SNTG1: variants seen among roughly 807,000 people sequenced by gnomAD.
SNTG1 encodes the protein syntrophin gamma 1.
A neutral mutation model predicts 74.7 loss-of-function variants in SNTG1; 39 were observed. That is an observed-to-expected ratio of 0.52 (90% confidence interval 0.40 to 0.68). SNTG1 has a LOEUF of 0.68. Among genes scored for constraint, SNTG1 ranks in the 30% least tolerant of loss-of-function variants. The pLI, the probability that SNTG1 is intolerant of heterozygous loss-of-function variation, is 0.00. For synonymous variants in SNTG1, 254 were observed against 217.1 expected (o/e 1.17, Z -1.49); for missense variants, 685 against 609.5 (o/e 1.12, Z -1.30).
chr8:49,963,134 T>C (rs1358997568), intron 1 of SNTG1, among the ~76,000 whole-genome samples: 3 of 152,234 alleles, frequency 2.0e-5, no homozygotes, highest in Non-Finnish European at 4.4e-5. Flanking sequence ...GATGCATGAA[T>C]AAAGTATAAG....
chr8:50,107,854 A>C (rs2080439778), intron 1 of SNTG1, among the ~76,000 whole-genome samples: 1 of 152,208 alleles, frequency 6.6e-6, no homozygotes, highest in Non-Finnish European at 1.5e-5. Context: ...CCTGGCTAGA[A>C]ATCAAGATTT....
chr8:49,970,784 T>C (rs559266232), intron 1 of SNTG1, among the ~76,000 whole-genome samples: 3 of 152,002 alleles, frequency 2.0e-5, no homozygotes, highest in African/African-American at 7.3e-5. Context: ...CCTTGAAGAG[T>C]TGGCAGCTCT....
chr8:50,558,372 C>T (rs1483640), intron 12 of SNTG1, among the ~76,000 whole-genome samples: 92,149 of 152,004 alleles, frequency 0.61, 30,677 homozygotes, highest in East Asian at 0.78. Context: ...AAGACATGCT[C>T]TCTCAGAGTT....
At chr8:50,388,074 G>A (rs529089413) in intron 2 of SNTG1, among the ~76,000 whole-genome samples, 1 of 152,316 alleles carries the variant, frequency 6.6e-6, no homozygotes, top group South Asian at 2.1e-4. Flanking sequence ...CTAGCAGGAT[G>A]AGACTCTGGG....
At chr8:50,357,494 G>A (rs2091852198) in intron 2 of SNTG1, among the ~76,000 whole-genome samples, 1 of 152,132 alleles carries the variant, frequency 6.6e-6, no homozygotes, top group Non-Finnish European at 1.5e-5. Context: ...CAATACAAGT[G>A]TCCTTGGCAT....
intron 8 of SNTG1, among the ~76,000 whole-genome samples, chr8:50,472,268 G>A (rs1208516215): frequency 1.3e-5 from 2 of 152,050 alleles, no homozygotes; most frequent in Admixed American, 6.6e-5. Flanking sequence ...AAAATCAGAG[G>A]CATTACACTT....
intron 17 of SNTG1, among the ~76,000 whole-genome samples, chr8:50,738,579 G>A (rs545311356): frequency 1.9e-4 from 29 of 151,894 alleles, no homozygotes; most frequent in Non-Finnish European, 5.9e-5. Context: ...ATATGAAACT[G>A]AAAAAGAGCC....
intron 18 of SNTG1, among the ~76,000 whole-genome samples, chr8:50,764,425 A>G (rs2095608330): frequency 1.3e-5 from 2 of 151,986 alleles, no homozygotes; most frequent in African/African-American, 4.8e-5. Flanking sequence ...TTCAAAGTAC[A>G]AAACAAATAA....
intron 10 of SNTG1, among the ~76,000 whole-genome samples, chr8:50,532,196 T>C (rs2094274209): frequency 6.6e-6 from 1 of 152,062 alleles, no homozygotes; most frequent in African/African-American, 2.4e-5. Context: ...TGTAAGGAAA[T>C]TGAAAGTATC....
chr8:49,978,342 A>C (rs959428842), intron 1 of SNTG1, among the ~76,000 whole-genome samples: 24 of 152,292 alleles, frequency 1.6e-4, no homozygotes, highest in Admixed American at 3.9e-4. Context: ...TGAGTTAGTC[A>C]GGAGCTAATT....
chr8:50,224,584 T>C (rs138464790), intron 2 of SNTG1, among the ~76,000 whole-genome samples: 1 of 152,242 alleles, frequency 6.6e-6, no homozygotes, highest in African/African-American at 2.4e-5. Flanking sequence ...AAACCAAAAG[T>C]AAAATTCTAA....
chr8:50,018,428 C>T (rs1816530563), intron 1 of SNTG1, among the ~76,000 whole-genome samples: 1 of 151,926 alleles, frequency 6.6e-6, no homozygotes, highest in Admixed American at 6.6e-5. Flanking sequence ...GTTCCTGGGA[C>T]AACTGGATAT....
intron 1 of SNTG1, among the ~76,000 whole-genome samples, chr8:50,054,354 C>T (rs963853642): frequency 1.3e-5 from 2 of 152,080 alleles, no homozygotes; most frequent in African/African-American, 4.8e-5. Context: ...TCACCAAGTT[C>T]TATGTACTTT....
At chr8:50,560,401 A>G (rs2094480354) in intron 12 of SNTG1, among the ~76,000 whole-genome samples, 1 of 152,240 alleles carries the variant, frequency 6.6e-6, no homozygotes, top group Non-Finnish European at 1.5e-5. Flanking sequence ...TCATTCTATT[A>G]TAAAGACACA....
chr8:50,576,006 A>T (rs766112818), intron 12 of SNTG1, among the ~76,000 whole-genome samples: 6 of 152,154 alleles, frequency 3.9e-5, no homozygotes, highest in Non-Finnish European at 7.3e-5. Flanking sequence ...TTAAATTTGT[A>T]GATTAATGGC....
At chr8:50,238,985 A>G (rs183155865) in intron 2 of SNTG1, among the ~76,000 whole-genome samples, 132 of 152,262 alleles carry the variant, frequency 8.7e-4, no homozygotes, top group Non-Finnish European at 9.9e-4. Context: ...TAAAAAGTCA[A>G]AAAATAACAG....
chr8:50,084,522 C>T (rs923778697), intron 1 of SNTG1, among the ~76,000 whole-genome samples: 1 of 152,008 alleles, frequency 6.6e-6, no homozygotes, highest in African/African-American at 2.4e-5. Flanking sequence ...TTTAGATGAC[C>T]AAAATCTATA....
chr8:50,564,462 T>C (rs1257282751), intron 12 of SNTG1, among the ~76,000 whole-genome samples: 1 of 152,086 alleles, frequency 6.6e-6, no homozygotes, highest in Non-Finnish European at 1.5e-5. Context: ...AATTCAAAGT[T>C]TGAATAGTTA....
intron 11 of SNTG1, among the ~76,000 whole-genome samples, chr8:50,548,222 T>G (rs2094401475): frequency 6.6e-6 from 1 of 152,068 alleles, no homozygotes; most frequent in Non-Finnish European, 1.5e-5. Flanking sequence ...TGACTGGAGG[T>G]CACAGTGACA....
Sources: allele counts gnomAD v4.1 joint callset (sites outside exome capture counted in the v4.1 genomes callset), GRCh38; gene constraint gnomAD v4.1.1; transcripts MANE v1.5; gene names NCBI Gene and HGNC (gene_info 2026-07-23, HGNC 2026-07-21).